Variants in VMP1 observed in about 807,000 individuals in gnomAD.
VMP1 encodes ectopic P-granules autophagy protein 3 homolog.
Under a neutral mutation model 56.0 loss-of-function variants are expected in VMP1, and 11 were observed. The ratio of observed to expected loss-of-function variants is 0.20; its 90% confidence interval spans 0.12 to 0.32. VMP1 has a LOEUF of 0.32. VMP1 is among the 10% of genes least tolerant of loss of function. VMP1 has a pLI of 1.00. For missense variants in VMP1, 296 were observed against 490.3 expected, an observed-to-expected ratio of 0.60 and a Z score of 3.74; for synonymous variants, 149 against 165.0, an observed-to-expected ratio of 0.90 and a Z score of 0.74.
chr17:59,727,195 C>T (rs1161610817), intron 1 of VMP1, among the ~76,000 whole-genome samples: 1 of 151,510 alleles, frequency 6.6e-6, no homozygotes, highest in Admixed American at 6.6e-5. Context: ...AGTGCAGTGG[C>T]GCGATCTCCG....
At chr17:59,756,748 A>G (rs1434882646) in intron 5 of VMP1, among the ~76,000 whole-genome samples, 23 of 152,200 alleles carry the variant, frequency 1.5e-4, no homozygotes, top group Admixed American at 1.4e-3. Flanking sequence ...GTTGATAAGT[A>G]TACTTGCCTG....
chr17:59,838,110 T>C lies in VMP1; in HGVS notation c.975-185T>C, dbSNP rs573655196. On this transcript the variant is annotated intron_variant, in intron 10 of 11. Transcript: ENST00000262291. ...GATGGAGTAAATTTTCTTTTTTTTT[T>C]TTTTTTTTTTTAACTAAAAAGGGGT... The C allele has an allele frequency of 4.0e-5, 11 of 276,452 alleles. No homozygotes were observed. In the South Asian group the frequency reaches 1.0e-3, roughly 25 times the overall value. 17.1% of individuals were successfully genotyped at this position (276,452 alleles called of 1,614,324 possible).
At chr17:59,741,153 AC>A (rs2035212470) in intron 5 of VMP1, among the ~76,000 whole-genome samples, 2 of 152,134 alleles carry the variant, frequency 1.3e-5, no homozygotes, top group African/African-American at 4.8e-5. Context: ...CTATGATTGC[AC>A]CATGCACTCC....
chr17:59,768,249 CTAAGT>C (rs1270847382), intron 6 of VMP1, among the ~76,000 whole-genome samples: 1 of 152,130 alleles, frequency 6.6e-6, no homozygotes, highest in Admixed American at 6.5e-5. Context: ...ACAGCACACA[CTAAGT>C]TATGTTTAAA....
At chr17:59,730,027 T>G (rs2034765696) in intron 1 of VMP1, 1 of 152,076 alleles carries the variant, frequency 6.6e-6, no homozygotes, top group South Asian at 2.1e-4. Context: ...GGTATGAGAT[T>G]GTATCTCATT....
intron 7 of VMP1, among the ~76,000 whole-genome samples, chr17:59,806,484 T>A (rs1466678880): frequency 2.0e-5 from 3 of 151,996 alleles, no homozygotes; most frequent in Non-Finnish European, 4.4e-5. Flanking sequence ...CCTAGCACTT[T>A]GGGAGGCCGA....
At chr17:59,756,737 G>A (rs576710208) in intron 5 of VMP1, among the ~76,000 whole-genome samples, 5 of 152,172 alleles carry the variant, frequency 3.3e-5, no homozygotes, top group Admixed American at 6.5e-5. Flanking sequence ...TCTTCATCTC[G>A]GTTGATAAGT....
intron 10 of VMP1, among the ~76,000 whole-genome samples, chr17:59,821,680 G>A (rs2038460684): frequency 2.0e-5 from 3 of 151,532 alleles, no homozygotes; most frequent in Admixed American, 1.3e-4. Flanking sequence ...AGCCTCCCGA[G>A]CAGCTGGGAT....
intron 5 of VMP1, among the ~76,000 whole-genome samples, chr17:59,742,522 C>CAATAATAATAATAATAAT (rs71370113): frequency 2.1e-5 from 3 of 142,942 alleles, no homozygotes; most frequent in Non-Finnish European, 4.5e-5. Context: ...GTCTCAAAAA[C>CAATAATAATAATAATAAT]AATAATAATA....
In VMP1 at chr17:59,794,369, G is replaced by A. The variant is rs990040353; in HGVS notation, c.715-14427G>A. ...TGAGTAGCTGGGATTACAAGCGCAC[G>A]CCACCACGCCTGGCTAATTTTTGTA... On this transcript the variant is annotated intron_variant, in intron 7 of 11. Transcript: ENST00000262291. 5.3e-5 allele frequency among the ~76,000 whole-genome samples: 8 copies of A among 150,214 alleles called. 1 individual carries two copies. Among genetic ancestry groups the A allele is most frequent in the South Asian group, 4.2e-4 (2 of 4,752 alleles).
chr17:59,773,023 G>GCGATCT (rs1046474165), intron 6 of VMP1, among the ~76,000 whole-genome samples: 1 of 127,038 alleles, frequency 7.9e-6, no homozygotes, highest in African/African-American at 3.0e-5. Flanking sequence ...GTGTAGTGGT[G>GCGATCT]CGATCTCAGC....
In VMP1 at chr17:59,711,349, C is replaced by T. The variant is rs571327703; in HGVS notation, c.-27+3601C>T. Among the ~76,000 whole-genome samples, 343 of 151,914 alleles carry T rather than the reference C, an allele frequency of 2.3e-3. 1 individual carries two copies. The highest frequency in any genetic ancestry group is 7.8e-3 in the African/African-American group (325 of 41,436). On this transcript the variant is annotated intron_variant, in intron 1 of 11. Transcript: ENST00000262291. ...TTAGTCTTTCTCGGAGATGATAGTTCTAGGTGCTACTGTCATTCCTGTTTT... is the reference window on the plus strand; with the variant it reads ...TTAGTCTTTCTCGGAGATGATAGTTTTAGGTGCTACTGTCATTCCTGTTTT...
chr17:59,778,765 G>A (rs1036945768), intron 7 of VMP1, among the ~76,000 whole-genome samples: 2 of 152,242 alleles, frequency 1.3e-5, no homozygotes, highest in Non-Finnish European at 2.9e-5. Flanking sequence ...AATGCAGACA[G>A]TCCCTAACTT....
chr17:59,742,556 A>G (rs540562535), intron 5 of VMP1, among the ~76,000 whole-genome samples: 15 of 148,736 alleles, frequency 1.0e-4, no homozygotes, highest in African/African-American at 3.7e-4. Context: ...TAATAATAAT[A>G]GGCTTTATTG....
chr17:59,714,109 C>T (rs1047748702), intron 1 of VMP1, among the ~76,000 whole-genome samples: 2 of 147,254 alleles, frequency 1.4e-5, no homozygotes, highest in African/African-American at 5.0e-5. Flanking sequence ...TACCAGAATA[C>T]CCGAAACTGG....
intron 3 of VMP1, 148 bp from the exon 4 acceptor site, chr17:59,737,305 G>A: frequency 4.7e-6 from 3 of 633,666 alleles, no homozygotes; most frequent in South Asian, 2.4e-5. Context: ...ACCCCCTTCT[G>A]TTACTCCAAG....
intron 5 of VMP1, among the ~76,000 whole-genome samples, chr17:59,758,731 T>C (rs2035937081): frequency 6.6e-6 from 1 of 150,800 alleles, no homozygotes; most frequent in Non-Finnish European, 1.5e-5. Context: ...CTTTGGGAGG[T>C]GTTGGTAGGA....
intron 7 of VMP1, among the ~76,000 whole-genome samples, chr17:59,784,475 A>G (rs1270471965): frequency 6.6e-6 from 1 of 151,978 alleles, no homozygotes; most frequent in African/African-American, 2.4e-5. Context: ...CAGCCCAGCT[A>G]TGTCTTTCTT....
chr17:59,834,696 C>G (rs2038924524), intron 10 of VMP1, among the ~76,000 whole-genome samples: 1 of 150,574 alleles, frequency 6.6e-6, no homozygotes, highest in African/African-American at 2.4e-5. Flanking sequence ...GCGATCTGGG[C>G]TCACTGCAAC....
Sources: gnomAD v4.1 joint callset for allele counts (sites outside exome capture counted in the v4.1 genomes callset) on GRCh38, gnomAD v4.1.1 for gene constraint, MANE v1.5 for transcripts, NCBI Gene and HGNC (gene_info 2026-07-23, HGNC 2026-07-21) for gene names.